CLPB: variants seen among roughly 807,000 people sequenced by gnomAD.
The protein encoded by CLPB is ClpB family mitochondrial disaggregase.
In CLPB, 40 loss-of-function variants were observed where a neutral mutation model predicts 78.4. The ratio of observed to expected loss-of-function variants is 0.51; its 90% CI spans 0.40 to 0.66. The LOEUF is 0.66. Among genes scored for constraint, CLPB ranks in the 30% least tolerant of loss-of-function variants. The probability of loss-of-function intolerance (pLI) is 0.00; values close to 1 mark genes in which losing one functional copy is unlikely to be tolerated. For synonymous variants in CLPB, 333 were observed against 348.0 expected, an observed-to-expected ratio of 0.96 and a Z score of 0.48; for missense variants, 780 against 886.9, an observed-to-expected ratio of 0.88 and a Z score of 1.53.
chr11:72,359,173 C>T (rs1280187143), intron 4 of CLPB, 165 bp from the exon 5 acceptor site: 2 of 958,724 alleles, frequency 2.1e-6, no homozygotes, highest in Non-Finnish European at 3.3e-6. Flanking sequence ...TAAGAAGAGG[C>T]AAAACAGAGG....
At chr11:72,295,207 C>G (rs1422620029) in intron 12 of CLPB, among the ~76,000 whole-genome samples, 3 of 152,232 alleles carry the variant, frequency 2.0e-5, no homozygotes, top group African/African-American at 7.2e-5. Context: ...TCCCCTAAGA[C>G]ACTGAGCAGC....
intron 5 of CLPB, among the ~76,000 whole-genome samples, chr11:72,334,392 G>A (rs1402873661): frequency 2.0e-5 from 3 of 152,176 alleles, no homozygotes; most frequent in Non-Finnish European, 4.4e-5. Context: ...TGGAGCCTCA[G>A]GGCAGCATGT....
intron 2 of CLPB, among the ~76,000 whole-genome samples, chr11:72,406,176 T>C (rs1344205600): frequency 2.0e-5 from 3 of 152,020 alleles, no homozygotes; most frequent in Non-Finnish European, 2.9e-5. Flanking sequence ...AATACAGACC[T>C]TGGGAGAGGA....
intron 2 of CLPB, among the ~76,000 whole-genome samples, chr11:72,422,265 CAAAAAAAAAAAA>C (rs71469431): frequency 2.4e-4 from 6 of 24,976 alleles, no homozygotes; most frequent in Non-Finnish European, 3.7e-4. Context: ...GACTCCGTCT[CAAAAAAAAAAAA>C]AAAAAAAAAA....
intron 3 of CLPB, among the ~76,000 whole-genome samples, chr11:72,402,240 G>A (rs1855584590): frequency 6.6e-6 from 1 of 152,096 alleles, no homozygotes; most frequent in African/African-American, 2.4e-5. Flanking sequence ...CAGCCTGGGT[G>A]ACCAAGCAAG....
intron 3 of CLPB, among the ~76,000 whole-genome samples, chr11:72,380,723 C>G (rs1854885369): frequency 6.6e-6 from 1 of 152,126 alleles, no homozygotes; most frequent in Non-Finnish European, 1.5e-5. Context: ...AAGCTTGGGA[C>G]AAGTTACTTA....
At chr11:72,385,748 G>A (rs1279220374) in intron 3 of CLPB, among the ~76,000 whole-genome samples, 3 of 152,152 alleles carry the variant, frequency 2.0e-5, no homozygotes, top group Non-Finnish European at 2.9e-5. Context: ...GCTTGAATCC[G>A]GGAGGCGGAG....
intron 4 of CLPB, among the ~76,000 whole-genome samples, chr11:72,364,739 G>C (rs1419457914): frequency 6.6e-6 from 1 of 152,004 alleles, no homozygotes; most frequent in Non-Finnish European, 1.5e-5. Context: ...GGTGACCCCA[G>C]TATGACTCCT....
intron 3 of CLPB, among the ~76,000 whole-genome samples, chr11:72,396,324 C>G (rs1384722755): frequency 6.6e-6 from 1 of 152,178 alleles, no homozygotes; most frequent in Non-Finnish European, 1.5e-5. Flanking sequence ...GAATTTCAAA[C>G]AGTTCTGATG....
At chr11:72,394,917 T>A (rs1163653958) in intron 3 of CLPB, among the ~76,000 whole-genome samples, 2 of 152,152 alleles carry the variant, frequency 1.3e-5, no homozygotes, top group Non-Finnish European at 2.9e-5. Flanking sequence ...TATATCAAGG[T>A]ACCCTGCTCA....
chr11:72,350,127 G>A (rs534159262), intron 5 of CLPB, among the ~76,000 whole-genome samples: 44 of 152,318 alleles, frequency 2.9e-4, no homozygotes, highest in South Asian at 1.5e-3. Flanking sequence ...TTTTCCCTGC[G>A]GTGAGCAAGG....
At chr11:72,402,278 CA>C (rs910777024) in intron 3 of CLPB, among the ~76,000 whole-genome samples, 39 of 152,174 alleles carry the variant, frequency 2.6e-4, no homozygotes, top group African/African-American at 9.2e-4. Flanking sequence ...CCCCAAAACC[CA>C]AAAACACAGA....
At chr11:72,426,110 C>G (rs1456639379) in intron 2 of CLPB, among the ~76,000 whole-genome samples, 2 of 152,194 alleles carry the variant, frequency 1.3e-5, no homozygotes, top group African/African-American at 4.8e-5. Context: ...GTCTGAGGCC[C>G]AAGACTGATC....
intron 5 of CLPB, among the ~76,000 whole-genome samples, chr11:72,345,156 CT>C (rs1950489758): frequency 6.6e-6 from 1 of 152,278 alleles, no homozygotes; most frequent in East Asian, 1.9e-4. Flanking sequence ...CATTTACCCC[CT>C]GACCCAGCAA....
chr11:72,403,140 T>C, intron 2 of CLPB, 88 bp from the exon 3 acceptor site: 1 of 1,208,200 alleles, frequency 8.3e-7, no homozygotes, highest in South Asian at 1.2e-5. Context: ...AGGAATATTT[T>C]CAGTGTATGG....
chr11:72,372,938 T>C, intron 4 of CLPB: 3 of 1,613,504 alleles, frequency 1.9e-6, no homozygotes, highest in Non-Finnish European at 2.5e-6. Flanking sequence ...CAGCGGGGAG[T>C]CCTAGCCATC....
chr11:72,321,474 C>A (rs1468375004), intron 6 of CLPB, among the ~76,000 whole-genome samples: 1 of 152,212 alleles, frequency 6.6e-6, no homozygotes, highest in Non-Finnish European at 1.5e-5. Context: ...TAATATGGCA[C>A]CCCTCCTGGC....
chr11:72,429,714 C>T (rs1856490438), intron 2 of CLPB, among the ~76,000 whole-genome samples: 1 of 152,370 alleles, frequency 6.6e-6, no homozygotes, highest in Middle Eastern at 3.4e-3. Context: ...ATACCTGGCA[C>T]TGGGCTGAGC....
At chr11:72,399,152 A>G (rs1349283041) in intron 3 of CLPB, among the ~76,000 whole-genome samples, 1 of 151,582 alleles carries the variant, frequency 6.6e-6, no homozygotes, top group Non-Finnish European at 1.5e-5. Context: ...ATCTAAATTA[A>G]TACTCAATTT....
Sources: allele counts gnomAD v4.1 joint callset (sites outside exome capture counted in the v4.1 genomes callset), GRCh38; gene constraint gnomAD v4.1.1; transcripts MANE v1.5; gene names NCBI Gene and HGNC (gene_info 2026-07-23, HGNC 2026-07-21).